Variants in TCF25 observed in about 807,000 individuals in gnomAD.
TCF25 encodes TCF25 ribosome quality control complex subunit.
A neutral mutation model predicts 83.1 loss-of-function variants in TCF25; 41 were observed. The observed-to-expected ratio is 0.49, with a 90% CI of 0.38 to 0.64. TCF25 has a LOEUF of 0.64. TCF25 is among the 30% of genes least tolerant of loss of function. TCF25 has a pLI of 0.00. For missense variants in TCF25, 979 were observed against 914.5 expected (o/e 1.07, Z -0.91); for synonymous variants, 458 against 365.0 (o/e 1.25, Z -2.90).
At position 89,905,102 on chromosome 16, in the gene TCF25, C is replaced by G; in HGVS notation, c.1628+6C>G. ...GTGGAAGCCTGTGAGAACCGGTGAG[C>G]TAGGGGTTGACACAAGCCCTGCCAC... On this transcript the variant is annotated splice_donor_region_variant and intron_variant, in intron 14 of 17. Coordinates refer to ENST00000263346, the MANE Select transcript of TCF25 (RefSeq NM_014972.3). 2 of 1,584,752 alleles carry G rather than the reference C, an allele frequency of 1.3e-6. No individual in the cohort carries two copies. The highest frequency in any genetic ancestry group is 1.7e-6 in the Non-Finnish European group (2 of 1,165,710).
chr16:89,906,111 G>C, intron 14 of TCF25, 83 bp from the exon 15 acceptor site: 1 of 1,192,372 alleles, frequency 8.4e-7, no homozygotes, highest in Non-Finnish European at 1.2e-6. Flanking sequence ...GTGCTGGGTG[G>C]GGGTGGGGGC....
At chr16:89,893,682 C>T (rs761277232) in intron 6 of TCF25, 46 bp from the exon 7 acceptor site, 28 of 1,612,028 alleles carry the variant, frequency 1.7e-5, no homozygotes, top group Middle Eastern at 1.9e-4. Context: ...GAGCTGCCCA[C>T]GTCCCTGCTC....
chr16:89,900,625 T>A lies in TCF25; in HGVS notation c.1222-10T>A, dbSNP rs758285864. On this transcript the variant is annotated splice_polypyrimidine_tract_variant and intron_variant, in intron 11 of 17. Transcript: ENST00000263346. ...TAAGGCTCCACGCTCTGTTTCTTCG[T>A]CCCTCGTAGGCTCATCGGAACCTGT... is the stretch of plus-strand genomic sequence containing the variant. 48 of 1,566,966 alleles carry A rather than the reference T, an allele frequency of 3.1e-5. 2 individuals are homozygous for A. The South Asian group carries it at 4.2e-4, about 14-fold the overall frequency.
intron 16 of TCF25, chr16:89,909,130 C>T: frequency 7.8e-7 from 1 of 1,285,080 alleles, no homozygotes; most frequent in African/African-American, 1.5e-5. Flanking sequence ...GTGGGGAAAA[C>T]ATATTAATTT....
At chr16:89,878,918 G>A (rs2042389045) in intron 1 of TCF25, among the ~76,000 whole-genome samples, 1 of 152,256 alleles carries the variant, frequency 6.6e-6, no homozygotes, top group South Asian at 2.1e-4. Context: ...TGGGATTACA[G>A]GCGTGAGCCA....
intron 1 of TCF25, among the ~76,000 whole-genome samples, chr16:89,877,900 A>G (rs2042314009): frequency 6.6e-6 from 1 of 152,224 alleles, no homozygotes; most frequent in African/African-American, 2.4e-5. Flanking sequence ...TCCTTTAAAG[A>G]TAAAACTTAT....
chr16:89,900,882 A>T, intron 12 of TCF25, 88 bp downstream of exon 12: 2 of 1,347,376 alleles, frequency 1.5e-6, no homozygotes, highest in Admixed American at 4.7e-5. Flanking sequence ...GCCAGGTCCC[A>T]GTCCTTCCCC....
At chr16:89,876,722 C>T (rs551872990) in intron 1 of TCF25, among the ~76,000 whole-genome samples, 1 of 151,720 alleles carries the variant, frequency 6.6e-6, no homozygotes, top group African/African-American at 2.4e-5. Context: ...GTCAGGAGAT[C>T]CAGACCATCC....
intron 7 of TCF25, 171 bp downstream of exon 7, chr16:89,894,029 T>A: frequency 1.0e-6 from 1 of 966,330 alleles, no homozygotes. Flanking sequence ...AGGAGATGTG[T>A]TCGGAGGCTC....
intron 5 of TCF25, among the ~76,000 whole-genome samples, chr16:89,888,337 C>T (rs2043169102): frequency 6.6e-6 from 1 of 152,050 alleles, no homozygotes; most frequent in African/African-American, 2.4e-5. Context: ...CCTGTAATCC[C>T]AGCACTTTGG....
chr16:89,896,361 T>C (rs779053148), intron 9 of TCF25, among the ~76,000 whole-genome samples: 1 of 151,942 alleles, frequency 6.6e-6, no homozygotes, highest in South Asian at 2.1e-4. Flanking sequence ...CTGGGCACCA[T>C]AGTGAGACCC....
intron 5 of TCF25, 146 bp from the exon 6 acceptor site, chr16:89,892,047 T>C (rs1312346437): frequency 1.4e-5 from 9 of 641,138 alleles, no homozygotes; most frequent in African/African-American, 5.7e-5. Flanking sequence ...GTTTGCATCC[T>C]GTCCTTAATG....
At chr16:89,876,657 T>C (rs1250545821) in intron 1 of TCF25, among the ~76,000 whole-genome samples, 1 of 152,132 alleles carries the variant, frequency 6.6e-6, no homozygotes, top group East Asian at 1.9e-4. Context: ...CCAGGCGTGG[T>C]GGCACATGCC....
At chr16:89,907,354 GCTCCCACCTCCCTC>G in intron 16 of TCF25, 32 bp downstream of exon 16, 2 of 1,354,642 alleles carry the variant, frequency 1.5e-6, no homozygotes, top group East Asian at 2.6e-5. Flanking sequence ...CCACCTCCCA[GCTCCCACCTCCCTC>G]CTCCCAGTTC....
intron 16 of TCF25, chr16:89,909,194 C>A: frequency 8.1e-7 from 1 of 1,233,782 alleles, no homozygotes; most frequent in Non-Finnish European, 1.1e-6. Context: ...GCCAACATGG[C>A]AAACCCCGTC....
chr16:89,893,777 G>A lies in TCF25; in HGVS notation c.747G>A (p.Ala249=), dbSNP rs752681049. ...CAAAAAAAGGCCTCTCCTTCTTTGC[G>A]TTTGAGCACAGTGAGGAGTACCAGC... The part of the protein sequence containing the change: ...LESKKGLSFF[A]FEHSEEYQQA... Residue 249 remains alanine (A), a synonymous_variant, in exon 7 of 18, where the codon GCG becomes GCA. Coordinates refer to ENST00000263346, the MANE Select transcript of TCF25 (RefSeq NM_014972.3). 42 of 1,613,590 alleles carry A rather than the reference G, an allele frequency of 2.6e-5. No homozygotes were observed. The highest frequency in any genetic ancestry group is 3.3e-5 in the Non-Finnish European group (39 of 1,179,856).
intron 9 of TCF25, 39 bp from the exon 10 acceptor site, chr16:89,898,518 T>G (rs780323290): frequency 1.2e-6 from 2 of 1,600,960 alleles, no homozygotes; most frequent in South Asian, 1.1e-5. Context: ...CATTCTCCTT[T>G]GTGTCGTTGT....
intron 1 of TCF25, among the ~76,000 whole-genome samples, chr16:89,875,106 C>G (rs1193669171): frequency 3.9e-5 from 6 of 152,138 alleles, no homozygotes; most frequent in African/African-American, 1.4e-4. Context: ...CTCAAATAGT[C>G]CTCTCACCTT....
At chr16:89,894,425 C>T (rs1321127874) in intron 7 of TCF25, among the ~76,000 whole-genome samples, 4 of 150,906 alleles carry the variant, frequency 2.7e-5, no homozygotes, top group Non-Finnish European at 5.9e-5. Context: ...CCGGACAGCT[C>T]CCCTTGCAAC....
Sources: allele counts gnomAD v4.1 joint callset (sites outside exome capture counted in the v4.1 genomes callset), GRCh38; gene constraint gnomAD v4.1.1; transcripts MANE v1.5; gene names NCBI Gene and HGNC (gene_info 2026-07-23, HGNC 2026-07-21).